INPP5A: variants seen among roughly 807,000 people sequenced by gnomAD.
The protein encoded by INPP5A is 43 kDa inositol polyphosphate 5-phophatase.
Under a neutral mutation model 65.2 loss-of-function variants are expected in INPP5A, and 14 were observed. The observed-to-expected ratio is 0.21, with a 90% CI of 0.14 to 0.34. The LOEUF (loss-of-function observed/expected upper bound fraction) is 0.34. Among genes scored for constraint, INPP5A ranks in the 10% least tolerant of loss-of-function variants. The pLI, the probability that INPP5A is intolerant of heterozygous loss-of-function variation, is 1.00. For missense variants in INPP5A, 431 were observed against 545.6 expected (o/e 0.79, Z 2.09); for synonymous variants, 207 against 208.3 (o/e 0.99, Z 0.05).
chr10:132,545,601 G>C lies in INPP5A; in HGVS notation c.75+7430G>C, dbSNP rs987244369. Among the ~76,000 whole-genome samples, 6 of 152,388 alleles carry C rather than the reference G, an allele frequency of 3.9e-5. No homozygotes were observed. The highest frequency in any genetic ancestry group is 3.3e-4 in the Admixed American group (5 of 15,312). On this transcript the variant is annotated intron_variant, in intron 1 of 15. Transcript: ENST00000368594. This position sits in a 1 kb window ranked among gnomAD's most constrained non-coding sequence, Gnocchi z 4.6. ...GTGAAATACCTGTGGGGGCCTTAGG[G>C]GAAGAGGGTGCGGAACAGGCAGGCT...
At chr10:132,696,130 C>G (rs1590932331) in intron 5 of INPP5A, among the ~76,000 whole-genome samples, 1 of 152,358 alleles carries the variant, frequency 6.6e-6, no homozygotes, top group East Asian at 1.9e-4. Flanking sequence ...TGATCTTGGA[C>G]TTCCCATCCC....
chr10:132,625,784 C>G (rs890728920), intron 2 of INPP5A, among the ~76,000 whole-genome samples: 16 of 152,062 alleles, frequency 1.1e-4, no homozygotes, highest in African/African-American at 3.4e-4. Context: ...GCCATCCTGC[C>G]TGGCCCAACT....
chr10:132,690,191 G>A (rs371508600), intron 4 of INPP5A, among the ~76,000 whole-genome samples: 5 of 152,382 alleles, frequency 3.3e-5, no homozygotes, highest in African/African-American at 1.2e-4. Flanking sequence ...ACGGCTCACC[G>A]CATGCCTGGA....
rs1428989511 is a variant in INPP5A, at chr10:132,705,209, G to A, written c.475-3104G>A. ...CCATTGCAGACACAGTTACCGACAGGAAATGAACACAGAGGCTCCCCGGGG... is the reference window on the plus strand; with the variant it reads ...CCATTGCAGACACAGTTACCGACAGAAAATGAACACAGAGGCTCCCCGGGG... On this transcript the variant is annotated intron_variant, in intron 6 of 15. Coordinates refer to ENST00000368594, the MANE Select transcript of INPP5A (RefSeq NM_005539.5). This position sits in a 1 kb window ranked among gnomAD's most constrained non-coding sequence, Gnocchi z 4.9. 5.9e-5 allele frequency among the ~76,000 whole-genome samples: 9 copies of A among 152,224 alleles called. No homozygotes were observed. The highest frequency in any genetic ancestry group is 1.9e-4 in the African/African-American group (8 of 41,466).
At chr10:132,608,028 C>A in intron 2 of INPP5A, 72 bp downstream of exon 2, 2 of 1,400,570 alleles carry the variant, frequency 1.4e-6, no homozygotes, top group Non-Finnish European at 2.0e-6. Flanking sequence ...CTTTGGCATT[C>A]CTCCATGGAG....
chr10:132,586,677 G>C (rs960899754), intron 1 of INPP5A, among the ~76,000 whole-genome samples: 21 of 152,368 alleles, frequency 1.4e-4, no homozygotes, highest in African/African-American at 4.8e-4. Context: ...CCAGAGCCTC[G>C]TGGTGATGGC....
intron 9 of INPP5A, among the ~76,000 whole-genome samples, chr10:132,748,701 T>TTTTGTG (rs1846416640): frequency 6.6e-6 from 1 of 152,250 alleles, no homozygotes; most frequent in Non-Finnish European, 1.5e-5. Flanking sequence ...CTGGAGCAGC[T>TTTTGTG]CAGCCATGCA....
At chr10:132,764,474 C>T (rs562382205) in intron 11 of INPP5A, among the ~76,000 whole-genome samples, 29 of 142,974 alleles carry the variant, frequency 2.0e-4, no homozygotes, top group African/African-American at 7.9e-4. Context: ...GAAACACGGT[C>T]GGGTCAGTCC....
At chr10:132,572,225 C>T (rs183193314) in intron 1 of INPP5A, among the ~76,000 whole-genome samples, 2,139 of 152,352 alleles carry the variant, frequency 0.014, 15 homozygotes, top group Middle Eastern at 0.078. Context: ...CAGAGGAAAA[C>T]GCCTGTGGCC....
chr10:132,574,912 G>A (rs951706074), intron 1 of INPP5A, among the ~76,000 whole-genome samples: 1 of 152,100 alleles, frequency 6.6e-6, no homozygotes, highest in African/African-American at 2.4e-5. Flanking sequence ...CCTTGTTGCT[G>A]GGCCTTGGGG....
At chr10:132,673,464 T>C (rs7084154) in intron 4 of INPP5A, among the ~76,000 whole-genome samples, 151,491 of 152,292 alleles carry the variant, frequency 0.99, 75,355 homozygotes, top group Middle Eastern at 1. Context: ...GAGAACTTTG[T>C]CCCAGCCCTG....
chr10:132,635,386 ATTTTTTTTTT>A (rs775271931), intron 2 of INPP5A, among the ~76,000 whole-genome samples: 3 of 54,518 alleles, frequency 5.5e-5, no homozygotes, highest in South Asian at 1.0e-3. Flanking sequence ...CTTTTTAAAG[ATTTTTTTTTT>A]TTTTTTTTTT....
rs1207233685 is a variant in INPP5A, at chr10:132,570,927, A to G, written c.75+32756A>G. Among the ~76,000 whole-genome samples, 4 of 152,216 alleles carry G rather than the reference A, an allele frequency of 2.6e-5. No individual in the cohort carries two copies. The East Asian group carries it at 7.7e-4, about 29-fold the overall frequency. ...TCGCCTCTCATCGGCACAGCGGCGC[A>G]TCACACGGCAGCAGCCTGCCTGGCT... On this transcript the variant is annotated intron_variant, in intron 1 of 15. Coordinates refer to ENST00000368594, the MANE Select transcript of INPP5A (RefSeq NM_005539.5).
chr10:132,768,646 C>T (rs996251163), intron 12 of INPP5A, among the ~76,000 whole-genome samples: 6 of 152,178 alleles, frequency 3.9e-5, no homozygotes, highest in Admixed American at 2.0e-4. Flanking sequence ...GCTCTGAGGC[C>T]GTGGGAAGGC....
In INPP5A at chr10:132,782,051, CGCCA is replaced by C. The variant is rs1847172740; in HGVS notation, c.*23_*26del. ...TTCCGTGACAGGGAAGAGATGCCAG[CGCCA>C]CGAGAGGACACTTCGTGAGCCTCCC... On this transcript the variant is annotated 3_prime_UTR_variant, in exon 16 of 16. Transcript: ENST00000368594. The surrounding 1 kb of genome is among the most constrained non-coding windows in gnomAD (Gnocchi z 4.4). The C allele has an allele frequency of 6.3e-7, 1 of 1,575,200 alleles. No individual in the cohort carries two copies.
rs1462204525 is a variant in INPP5A, at chr10:132,758,691, T to C, written c.904-7082T>C. 3.9e-5 allele frequency among the ~76,000 whole-genome samples: 6 copies of C among 152,296 alleles called. No homozygotes were observed. The East Asian group carries it at 1.2e-3, about 29-fold the overall frequency. ...GACCCCAGCTCGGCTGTTTTCCTAT[T>C]GTCATGGACTGTCTTATCTATGGGC... On this transcript the variant is annotated intron_variant, in intron 11 of 15. Transcript: ENST00000368594.
chr10:132,658,491 A>G (rs1202576624), intron 4 of INPP5A, among the ~76,000 whole-genome samples: 1 of 152,188 alleles, frequency 6.6e-6, no homozygotes, highest in Non-Finnish European at 1.5e-5. Context: ...TGGGCTATCA[A>G]ACGGGTGGGA....
chr10:132,573,279 T>C (rs2071372484), intron 1 of INPP5A, among the ~76,000 whole-genome samples: 1 of 124,972 alleles, frequency 8.0e-6, no homozygotes, highest in Non-Finnish European at 1.7e-5. Flanking sequence ...TGAGGTTTTG[T>C]TGATGTTGGG....
chr10:132,749,449 T>C (rs1397462880), intron 9 of INPP5A, 68 bp from the exon 10 acceptor site: 41 of 1,393,104 alleles, frequency 2.9e-5, no homozygotes, highest in Non-Finnish European at 4.0e-5. Context: ...TGACTCGGGG[T>C]GTCGGGTGAC....
Sources: gnomAD v4.1 joint callset for allele counts (sites outside exome capture counted in the v4.1 genomes callset) on GRCh38, gnomAD v4.1.1 for gene constraint, Gnocchi (gnomAD v3.1) non-coding constraint, MANE v1.5 for transcripts, NCBI Gene and HGNC (gene_info 2026-07-23, HGNC 2026-07-21) for gene names.